The following DIXDC1 variants were observed in gnomAD, a reference collection of about 807,000 sequenced individuals.
The protein encoded by DIXDC1 is dixin.
DIXDC1 carries 64 observed loss-of-function variants against 103.1 expected under a neutral mutation model. That is an observed-to-expected ratio of 0.62 (90% CI 0.51 to 0.76). The LOEUF is 0.76. DIXDC1 is among the 30% of genes least tolerant of loss of function. DIXDC1 has a pLI of 0.00. For synonymous variants in DIXDC1, 266 were observed against 298.5 expected, an observed-to-expected ratio of 0.89 and a Z score of 1.12; for missense variants, 759 against 834.2, an observed-to-expected ratio of 0.91 and a Z score of 1.11.
intron 1 of DIXDC1, among the ~76,000 whole-genome samples, chr11:111,943,625 G>A (rs1216459728): frequency 2.0e-5 from 3 of 150,544 alleles, no homozygotes; most frequent in South Asian, 2.1e-4. Flanking sequence ...TCAGCCTCCC[G>A]AGTAGCTGGG....
chr11:111,960,173 G>A (rs770949917), intron 1 of DIXDC1, among the ~76,000 whole-genome samples: 2 of 151,756 alleles, frequency 1.3e-5, no homozygotes, highest in Non-Finnish European at 2.9e-5. Context: ...GCCTCCCAAA[G>A]TACTGGGATT....
chr11:111,960,705 G>A (rs587601459), intron 1 of DIXDC1, among the ~76,000 whole-genome samples: 1 of 152,254 alleles, frequency 6.6e-6, no homozygotes, highest in South Asian at 2.1e-4. Context: ...GAGCACTTGA[G>A]GAATACTGAT....
At chr11:111,980,872 G>A (rs782128262) in intron 6 of DIXDC1, 23 bp downstream of exon 6, 10 of 1,600,920 alleles carry the variant, frequency 6.2e-6, no homozygotes, top group Admixed American at 5.0e-5. Context: ...CGCCTGCCTG[G>A]GCTGGTTCAA....
At chr11:111,936,534 A>G (rs1233587992), upstream of DIXDC1, among the ~76,000 whole-genome samples, 1 of 152,192 alleles carries the variant, frequency 6.6e-6, no homozygotes, top group African/African-American at 2.4e-5. Context: ...GAAATAGGAA[A>G]ATTTTGGAAA....
rs1860779836 is a variant in DIXDC1 at position 111,993,577 on chromosome 11, A to G, written c.1354A>G (p.Ser452Gly). Reference protein sequence around the residue: ...EEALRKLSDVSYHQVDLEREL... With the variant: ...EEALRKLSDVGYHQVDLEREL... ...AGCACTCCGGAAACTCTCTGATGTC[A>G]GTTACCACCAGGTCAGAACATATTC... The change falls in exon 13 of 20, where the codon AGT becomes GGT. Residue 452 changes from serine to glycine, a missense_variant. Physicochemically the swap from Ser to Gly is moderately conservative, Grantham distance 56 (BLOSUM62 0). Transcript: ENST00000440460. 1 of 1,613,914 alleles carries G rather than the reference A, an allele frequency of 6.2e-7. No individual in the cohort carries two copies. Among genetic ancestry groups the G allele is most frequent in the South Asian group, 1.1e-5 (1 of 91,084 alleles).
intron 10 of DIXDC1, 112 bp downstream of exon 10, chr11:111,989,167 TTGG>T: frequency 1.7e-5 from 14 of 823,952 alleles, no homozygotes; most frequent in Non-Finnish European, 2.2e-5. Flanking sequence ...CTCTGTGCTA[TTGG>T]TAAAGAAAGG....
At chr11:111,991,331 A>T (rs73561915) in intron 10 of DIXDC1, among the ~76,000 whole-genome samples, 3,771 of 152,314 alleles carry the variant, frequency 0.025, 165 homozygotes, top group African/African-American at 0.086. Context: ...ATTAATAACC[A>T]CAGAAGTGTC....
chr11:111,978,260 T>C (rs1360048951), intron 5 of DIXDC1, among the ~76,000 whole-genome samples: 1 of 152,164 alleles, frequency 6.6e-6, no homozygotes, highest in Non-Finnish European at 1.5e-5. Context: ...AATAGGACTT[T>C]TAAGCTAATC....
At chr11:111,936,716 A>T (rs1049004044), upstream of DIXDC1, among the ~76,000 whole-genome samples, 13 of 151,242 alleles carry the variant, frequency 8.6e-5, no homozygotes. Context: ...CCTCTTCTTT[A>T]GCTTGACCTC....
chr11:112,002,115 C>T (rs1861086999), intron 17 of DIXDC1, among the ~76,000 whole-genome samples: 1 of 152,048 alleles, frequency 6.6e-6, no homozygotes, highest in South Asian at 2.1e-4. Flanking sequence ...TTGGGAGCCA[C>T]AGACACGAGG....
chr11:111,986,736 C>G lies in DIXDC1; in HGVS notation c.1009-135C>G, dbSNP rs1860503632. ...TGATGCATATACTTACATCAGAGAGCAGGAACTGTTTCCTGTTCTTTGTAT... is the reference window on the plus strand; with the variant it reads ...TGATGCATATACTTACATCAGAGAGGAGGAACTGTTTCCTGTTCTTTGTAT... On this transcript the variant is annotated intron_variant, in intron 8 of 19. Transcript: ENST00000440460. The G allele has an allele frequency of 4.9e-6, 3 of 614,316 alleles. No homozygotes were observed. The Admixed American group carries it at 8.2e-5, about 17-fold the overall frequency. 38.1% of individuals were successfully genotyped at this position (614,316 alleles called of 1,614,324 possible). A position where few individuals can be genotyped will look rare whatever the true frequency, so the allele number is the denominator to read the frequency against.
At chr11:111,959,115 C>T (rs1404727849) in intron 1 of DIXDC1, among the ~76,000 whole-genome samples, 3 of 152,240 alleles carry the variant, frequency 2.0e-5, no homozygotes, top group Non-Finnish European at 4.4e-5. Context: ...TTCCTGGATG[C>T]AGGGCAGGAA....
At chr11:111,930,009 G>C in intron 2 of DIXDC1, 1 of 1,119,614 alleles carries the variant, frequency 8.9e-7, no homozygotes, top group Non-Finnish European at 1.2e-6. Context: ...CTCAGATCCT[G>C]GAACAGAATT....
chr11:112,020,614 C>T lies in DIXDC1; in HGVS notation c.*1578C>T, dbSNP rs1269523470. 2.0e-5 allele frequency: 3 copies of T among 152,182 alleles called. No homozygotes were observed. The highest frequency in any genetic ancestry group is 4.4e-5 in the Non-Finnish European group (3 of 68,024). The allele number at this position is 152,182 out of a possible 1,614,324, so 9.4% of individuals were successfully genotyped here. On this transcript the variant is annotated 3_prime_UTR_variant, in exon 20 of 20. Coordinates refer to ENST00000440460, the MANE Select transcript of DIXDC1 (RefSeq NM_001037954.4). ...GAACCCAGTAGCTTTTATACAGTCT[C>T]TTCTTACCACCCCTTGTGGTTTCAG...
At chr11:111,938,637 A>G (rs1320903913) in intron 1 of DIXDC1, among the ~76,000 whole-genome samples, 1 of 152,190 alleles carries the variant, frequency 6.6e-6, no homozygotes, top group Non-Finnish European at 1.5e-5. Context: ...GAATTCGTGT[A>G]TAAGATTTTA....
chr11:112,006,677 G>A (rs1263484227), intron 17 of DIXDC1, among the ~76,000 whole-genome samples: 1 of 152,214 alleles, frequency 6.6e-6, no homozygotes, highest in South Asian at 2.1e-4. Flanking sequence ...GTCTGGAGTG[G>A]ACCTCCAGCA....
chr11:112,008,284 C>T (rs1555176863), intron 17 of DIXDC1, among the ~76,000 whole-genome samples: 1 of 152,148 alleles, frequency 6.6e-6, no homozygotes, highest in Non-Finnish European at 1.5e-5. Flanking sequence ...TTTATATGCA[C>T]CCAATACAGG....
At position 111,998,622 on chromosome 11, in the gene DIXDC1, C is replaced by A. The variant is rs906526102; in HGVS notation, c.1756+2476C>A. 6.6e-6 allele frequency among the ~76,000 whole-genome samples: 1 copy of A among 152,140 alleles called. No individual in the cohort carries two copies. Among genetic ancestry groups the A allele is most frequent in the African/African-American group, 2.4e-5 (1 of 41,418 alleles). The stretch of plus-strand genomic sequence containing the variant: ...GCAATGGCGTGATCTCGACTCACTG[C>A]AAGCTCTGCCTCCAGGGTTCAAGTG... On this transcript the variant is annotated intron_variant, in intron 17 of 19. Transcript: ENST00000440460. The surrounding 1 kb of genome is among the most constrained non-coding windows in gnomAD (Gnocchi z 4.1).
At chr11:111,929,831 G>A (rs1367728104) in exon 2 of DIXDC1, 19 of 1,525,680 alleles carry the variant, frequency 1.2e-5, no homozygotes, top group Admixed American at 4.0e-5. Flanking sequence ...GCCCTGATTC[G>A]TCTCTTCTAG....
Sources: allele counts gnomAD v4.1 joint callset (sites outside exome capture counted in the v4.1 genomes callset), GRCh38; gene constraint gnomAD v4.1.1; non-coding constraint Gnocchi (gnomAD v3.1); transcripts MANE v1.5; gene names NCBI Gene and HGNC (gene_info 2026-07-23, HGNC 2026-07-21).